NR4A1: variants seen among roughly 807,000 people sequenced by gnomAD.
NR4A1 encodes the protein nuclear receptor subfamily 4immunitygroup A member 1.
Under a neutral mutation model 47.5 loss-of-function variants are expected in NR4A1, and 24 were observed. That is an observed-to-expected ratio of 0.50 (90% CI 0.37 to 0.71). The LOEUF (loss-of-function observed/expected upper bound fraction) is 0.71. Among genes scored for constraint, NR4A1 ranks in the 30% least tolerant of loss-of-function variants. NR4A1 has a pLI of 0.00. For missense variants in NR4A1, 669 were observed against 788.6 expected (o/e 0.85, Z 1.82); for synonymous variants, 353 against 345.7 (o/e 1.02, Z -0.24).
intron 1 of NR4A1, among the ~76,000 whole-genome samples, chr12:52,039,711 C>T (rs1373682861): frequency 6.6e-6 from 1 of 152,178 alleles, no homozygotes; most frequent in African/African-American, 2.4e-5. Flanking sequence ...TGGACAGCGT[C>T]CTTAGATTCT....
At chr12:52,048,328 C>T (rs1251974243), upstream of NR4A1, among the ~76,000 whole-genome samples, 1 of 151,862 alleles carries the variant, frequency 6.6e-6, no homozygotes, top group Non-Finnish European at 1.5e-5. Context: ...GGTACAGTGG[C>T]TCATGCCTGT....
chr12:52,029,801 C>T (rs777959993), intron 1 of NR4A1, among the ~76,000 whole-genome samples: 8 of 152,344 alleles, frequency 5.3e-5, no homozygotes, highest in Middle Eastern at 6.8e-3. Flanking sequence ...AGTTCCCTCC[C>T]GCCTGCCTCA....
At position 52,057,202 on chromosome 12, in the gene NR4A1, A is replaced by G. The variant is rs566199479; in HGVS notation, c.1304A>G (p.Gln435Arg). ...TTTGCTGAGCTGTCACCGGCTGACC[A>G]GGACCTGTTGCTGGAGTCGGCCTTC... ...PGFAELSPAD[Q>R]DLLLESAFLE... is the part of the protein sequence containing the mutation. Residue 435 changes from glutamine (Q) to arginine (R), a missense_variant, in exon 5 of 7, where the codon CAG becomes CGG. By Grantham distance (43) the Gln-to-Arg change is conservative. Coordinates refer to ENST00000394825, the MANE Select transcript of NR4A1 (RefSeq NM_173157.3). 9.3e-6 allele frequency: 15 copies of G among 1,613,940 alleles called. No homozygotes were observed. The highest frequency in any genetic ancestry group is 1.3e-5 in the Non-Finnish European group (15 of 1,179,944).
In NR4A1 at chr12:52,056,053, G is replaced by T; in HGVS notation, c.900G>T (p.Lys300Asn). The change falls in exon 3 of 7, where the codon AAG becomes AAT. Residue 300 changes from lysine to asparagine, a missense_variant. By Grantham distance (94) the Lys-to-Asn change is moderately conservative. Transcript: ENST00000394825. ...AGCGCACAGTGCAGAAAAACGCCAA[G>T]TACATCTGCCTGGCTAACAAGGACT... ...FFKRTVQKNA[K>N]YICLANKDCP... 1 of 1,431,168 alleles carries T rather than the reference G, an allele frequency of 7.0e-7. No individual in the cohort carries two copies. Among genetic ancestry groups the T allele is most frequent in the Non-Finnish European group, 9.4e-7 (1 of 1,068,714 alleles). The allele number at this position is 1,431,168 out of a possible 1,614,324, so 88.7% of individuals were successfully genotyped here. A position where few individuals can be genotyped will look rare whatever the true frequency, so the allele number is the denominator to read the frequency against.
chr12:52,023,443 G>A (rs1400594807), intron 1 of NR4A1, among the ~76,000 whole-genome samples: 1 of 152,156 alleles, frequency 6.6e-6, no homozygotes, highest in East Asian at 1.9e-4. Flanking sequence ...GAAGCAGGTG[G>A]CAGCGCCGGA....
intron 1 of NR4A1, among the ~76,000 whole-genome samples, chr12:52,028,338 G>A (rs1938044649): frequency 6.6e-6 from 1 of 152,092 alleles, no homozygotes. Flanking sequence ...CACTTTGGGA[G>A]GCTGATGCAG....
chr12:52,042,853 A>T (rs752380145), intron 2 of NR4A1, among the ~76,000 whole-genome samples: 205 of 152,332 alleles, frequency 1.3e-3, no homozygotes, highest in Non-Finnish European at 1.2e-3. Flanking sequence ...GACAGGGGTC[A>T]TGAGATTCCC....
chr12:52,055,242 TGGAG>T (rs1327285699), intron 2 of NR4A1, 38 bp downstream of exon 2: 1 of 1,604,336 alleles, frequency 6.2e-7, no homozygotes, highest in African/African-American at 1.3e-5. Flanking sequence ...TTGTTGGAAA[TGGAG>T]AGAGGCTGGC....
chr12:52,054,944 C>T lies in NR4A1; in HGVS notation c.616C>T (p.Pro206Ser). Residue 206 changes from proline (P) to serine (S), a missense_variant, in exon 2 of 7, where the codon CCC becomes TCC. Pro to Ser is a moderately conservative substitution (Grantham distance 74, BLOSUM62 -1). Transcript: ENST00000394825. The stretch of plus-strand genomic sequence containing the variant: ...CCCCAGCCCCAGCCTGGCCCAGAGC[C>T]CCCTGAAGTTGTTCCCCTCACAGGC... ...TGPSPSLAQS[P>S]LKLFPSQATH... The T allele has an allele frequency of 6.2e-7, 1 of 1,614,192 alleles. No homozygotes were observed. Among genetic ancestry groups the T allele is most frequent in the Middle Eastern group, 1.6e-4 (1 of 6,062 alleles).
rs771771147 is a variant in NR4A1, at chr12:52,055,020, C to T, written c.692C>T (p.Pro231Leu). 6.2e-7 allele frequency: 1 copy of T among 1,614,100 alleles called. No individual in the cohort carries two copies. Among genetic ancestry groups the T allele is most frequent in the African/African-American group, 1.3e-5 (1 of 74,926 alleles). ...GESYSMPTAFPGLAPTSPHLE... is the reference protein window; with the variant it reads ...GESYSMPTAFLGLAPTSPHLE... ...AGCTATTCCATGCCTACGGCCTTCCCAGGTTTGGCACCCACTTCTCCACAC... is the reference window on the plus strand; with the variant it reads ...AGCTATTCCATGCCTACGGCCTTCCTAGGTTTGGCACCCACTTCTCCACAC... Residue 231 changes from proline (P) to leucine (L), a missense_variant, in exon 2 of 7, where the codon CCA becomes CTA. Physicochemically the swap from Pro to Leu is moderately conservative, Grantham distance 98. Transcript: ENST00000394825.
At chr12:52,055,511 C>T (rs1939215611) in intron 2 of NR4A1, 1 of 568,886 alleles carries the variant, frequency 1.8e-6, no homozygotes, top group Non-Finnish European at 3.1e-6. Flanking sequence ...CTCTGCCTGT[C>T]CTCTCCCAAC....
chr12:52,049,505 C>T (rs548432792), upstream of NR4A1, among the ~76,000 whole-genome samples: 84 of 152,128 alleles, frequency 5.5e-4, 1 homozygote, highest in Middle Eastern at 6.8e-3. Context: ...AGTAGGAAAG[C>T]GGGAGAGGCT....
chr12:52,038,813 A>T (rs1295514671), intron 1 of NR4A1: 1 of 748,810 alleles, frequency 1.3e-6, no homozygotes, highest in East Asian at 2.5e-5. Context: ...TCCTGTGCTG[A>T]GGCCTCTGCT....
At chr12:52,052,698 TG>T (rs1012308225) in intron 1 of NR4A1, 11 of 976,930 alleles carry the variant, frequency 1.1e-5, no homozygotes, top group Non-Finnish European at 1.2e-5. Flanking sequence ...GAGGGACTGA[TG>T]GGGGTTGATC....
At chr12:52,035,519 A>C (rs2120938555) in intron 1 of NR4A1, among the ~76,000 whole-genome samples, 1 of 152,274 alleles carries the variant, frequency 6.6e-6, no homozygotes, top group South Asian at 2.1e-4. Context: ...CTCCTCTAAG[A>C]AGCCCATGTG....
chr12:52,041,645 G>A (rs1938442425), intron 1 of NR4A1, among the ~76,000 whole-genome samples: 2 of 152,204 alleles, frequency 1.3e-5, no homozygotes, highest in South Asian at 4.1e-4. Context: ...TCGGCCCCCA[G>A]GCTCCAATGC....
chr12:52,028,280 A>G (rs574200800), intron 1 of NR4A1, among the ~76,000 whole-genome samples: 26 of 151,462 alleles, frequency 1.7e-4, no homozygotes, highest in South Asian at 4.2e-4. Context: ...TGCCTTTAAG[A>G]TACCTGCTTA....
intron 1 of NR4A1, among the ~76,000 whole-genome samples, chr12:52,041,022 T>C (rs1244045001): frequency 6.6e-6 from 1 of 152,078 alleles, no homozygotes; most frequent in Non-Finnish European, 1.5e-5. Context: ...AGGCACACAG[T>C]TGGCTTCCAC....
At chr12:52,045,965 G>A (rs1283155) in intron 2 of NR4A1, among the ~76,000 whole-genome samples, 41,300 of 152,136 alleles carry the variant, frequency 0.27, 6,141 homozygotes, top group Admixed American at 0.46. Flanking sequence ...GGAAGTGGCC[G>A]GGTCAGGGCT....
Sources: allele counts gnomAD v4.1 joint callset (sites outside exome capture counted in the v4.1 genomes callset), GRCh38; gene constraint gnomAD v4.1.1; transcripts MANE v1.5; gene names NCBI Gene and HGNC (gene_info 2026-07-23, HGNC 2026-07-21).